RFX3: variants seen among roughly 807,000 people sequenced by gnomAD.
The protein encoded by RFX3 is transcription factor RFX3.
In RFX3, 14 loss-of-function variants were observed where a neutral mutation model predicts 98.6. The observed-to-expected ratio is 0.14, with a 90% confidence interval of 0.09 to 0.22. The LOEUF (loss-of-function observed/expected upper bound fraction) is 0.22, where lower values mean the gene tolerates loss of function less well. Ranked by LOEUF, RFX3 falls within the 10% of genes least tolerant of loss-of-function variation. The pLI is 1.00. For synonymous variants in RFX3, 383 were observed against 328.4 expected, an observed-to-expected ratio of 1.17 and a Z score of -1.80; for missense variants, 639 against 926.9, an observed-to-expected ratio of 0.69 and a Z score of 4.03.
chr9:3,390,447 T>C (rs1379102481), intron 2 of RFX3, among the ~76,000 whole-genome samples: 1 of 152,166 alleles, frequency 6.6e-6, no homozygotes, highest in Admixed American at 6.5e-5. Context: ...GTGATAATGA[T>C]ACGGACTATG....
intron 4 of RFX3, among the ~76,000 whole-genome samples, chr9:3,316,219 A>C (rs977677092): frequency 2.0e-5 from 3 of 152,224 alleles, no homozygotes; most frequent in Non-Finnish European, 1.5e-5. Context: ...GGCTGGTTCA[A>C]CATATGCAAA....
At chr9:3,356,791 G>T (rs1563979280) in intron 2 of RFX3, among the ~76,000 whole-genome samples, 1 of 151,476 alleles carries the variant, frequency 6.6e-6, no homozygotes, top group Non-Finnish European at 1.5e-5. Context: ...AATCAGGTAG[G>T]ATTTAACCCA....
chr9:3,232,186 A>G (rs1360989331), intron 15 of RFX3, among the ~76,000 whole-genome samples: 1 of 152,190 alleles, frequency 6.6e-6, no homozygotes, highest in Non-Finnish European at 1.5e-5. Context: ...AAATTGGGAA[A>G]ACTTACTGTT....
intron 1 of RFX3, chr9:3,469,072 C>A (rs1848559244): frequency 1.1e-4 from 37 of 347,676 alleles, no homozygotes; most frequent in East Asian, 5.4e-4. Context: ...ATTAAAAAAA[C>A]ATTCAAGTGA....
chr9:3,312,066 G>A (rs1415061288), intron 4 of RFX3, among the ~76,000 whole-genome samples: 1 of 152,166 alleles, frequency 6.6e-6, no homozygotes. Context: ...TGTAGGTACT[G>A]ACCAGCATTT....
intron 1 of RFX3, among the ~76,000 whole-genome samples, chr9:3,396,611 GC>G (rs1840909840): frequency 6.7e-6 from 1 of 149,540 alleles, no homozygotes; most frequent in Non-Finnish European, 1.5e-5. Context: ...CTGAGGAATC[GC>G]CACACTGACT....
At chr9:3,347,302 C>G (rs972779902) in intron 2 of RFX3, among the ~76,000 whole-genome samples, 6 of 150,316 alleles carry the variant, frequency 4.0e-5, no homozygotes, top group Non-Finnish European at 8.9e-5. Context: ...GCCTGGGTGA[C>G]AGAGTGAGAT....
At chr9:3,418,006 T>C (rs1462149590) in intron 1 of RFX3, among the ~76,000 whole-genome samples, 3 of 152,206 alleles carry the variant, frequency 2.0e-5, no homozygotes, top group Admixed American at 1.3e-4. Flanking sequence ...GATATGCATA[T>C]TTGTTGGCCT....
At chr9:3,242,466 G>T (rs1820079911) in intron 15 of RFX3, among the ~76,000 whole-genome samples, 1 of 150,134 alleles carries the variant, frequency 6.7e-6, no homozygotes, top group Admixed American at 6.7e-5. Context: ...TTAAAATACT[G>T]TTGTAACAAG....
At chr9:3,402,981 G>C (rs1343362960) in intron 1 of RFX3, among the ~76,000 whole-genome samples, 8 of 151,852 alleles carry the variant, frequency 5.3e-5, no homozygotes, top group Non-Finnish European at 7.4e-5. Flanking sequence ...ATGGGGCATA[G>C]TAGAAATTAT....
intron 15 of RFX3, among the ~76,000 whole-genome samples, chr9:3,243,856 G>A (rs1820278686): frequency 6.6e-6 from 1 of 152,178 alleles, no homozygotes; most frequent in Admixed American, 6.5e-5. Context: ...ATCTGTAGCA[G>A]GTCATAAGCA....
At chr9:3,290,207 A>C (rs189204417) in intron 6 of RFX3, among the ~76,000 whole-genome samples, 175 of 152,204 alleles carry the variant, frequency 1.1e-3, no homozygotes, top group African/African-American at 4.0e-3. Flanking sequence ...CAATTAAAAA[A>C]AAAAAAACAG....
chr9:3,498,322 AT>A (rs1851255491), intron 1 of RFX3, among the ~76,000 whole-genome samples: 1 of 152,072 alleles, frequency 6.6e-6, no homozygotes, highest in African/African-American at 2.4e-5. Flanking sequence ...ATTTCAAAAA[AT>A]GTTGTTCATG....
chr9:3,401,406 T>C (rs550543550), intron 1 of RFX3, among the ~76,000 whole-genome samples: 1 of 152,338 alleles, frequency 6.6e-6, no homozygotes, highest in African/African-American at 2.4e-5. Flanking sequence ...TTTGTTTTAC[T>C]CCCAGCATAA....
At chr9:3,484,885 A>C (rs775815451) in intron 1 of RFX3, among the ~76,000 whole-genome samples, 1 of 151,674 alleles carries the variant, frequency 6.6e-6, no homozygotes, top group Non-Finnish European at 1.5e-5. Context: ...GGAGTTCAAG[A>C]CCAGCCTGAG....
chr9:3,399,296 C>T (rs1180082929), intron 1 of RFX3, among the ~76,000 whole-genome samples: 1 of 142,870 alleles, frequency 7.0e-6, no homozygotes, highest in Non-Finnish European at 1.5e-5. Flanking sequence ...AAAAAAAAAT[C>T]AGCTGGTCAT....
chr9:3,522,546 A>AGTGT (rs977900887), intron 1 of RFX3, among the ~76,000 whole-genome samples: 2 of 142,362 alleles, frequency 1.4e-5, no homozygotes, highest in East Asian at 2.3e-4. Flanking sequence ...GTTCTGGAAA[A>AGTGT]GTGTGTGTGC....
chr9:3,379,182 G>T (rs2131669303), intron 2 of RFX3, among the ~76,000 whole-genome samples: 1 of 152,180 alleles, frequency 6.6e-6, no homozygotes, highest in East Asian at 1.9e-4. Flanking sequence ...TACAGTTTTG[G>T]GGAGAGACAC....
chr9:3,233,112 G>A (rs941912589), intron 15 of RFX3, among the ~76,000 whole-genome samples: 4 of 152,242 alleles, frequency 2.6e-5, no homozygotes, highest in African/African-American at 9.6e-5. Flanking sequence ...TCAAAATAAC[G>A]AACACCTCAC....
Sources: gnomAD v4.1 joint callset for allele counts (sites outside exome capture counted in the v4.1 genomes callset) on GRCh38, gnomAD v4.1.1 for gene constraint, MANE v1.5 for transcripts, NCBI Gene and HGNC (gene_info 2026-07-23, HGNC 2026-07-21) for gene names.